Variants in TTC1 observed in about 807,000 individuals in gnomAD.
The protein encoded by TTC1 is tetratricopeptide repeat protein 1.
TTC1 carries 31 observed loss-of-function variants against 37.6 expected under a neutral mutation model. That is an observed-to-expected ratio of 0.82 (90% CI 0.62 to 1.11). The LOEUF is 1.11. TTC1 is among the 50% of genes most tolerant of loss of function. The pLI is 0.00. For missense variants in TTC1, 351 were observed against 339.0 expected, an observed-to-expected ratio of 1.04 and a Z score of -0.28; for synonymous variants, 127 against 122.4, an observed-to-expected ratio of 1.04 and a Z score of -0.25.
intron 2 of TTC1, among the ~76,000 whole-genome samples, chr5:160,019,650 C>T (rs1351460065): frequency 7.2e-6 from 1 of 138,030 alleles, no homozygotes; most frequent in Non-Finnish European, 1.5e-5. Context: ...TGCAGCGGTG[C>T]GATCTCTGCT....
At chr5:160,019,759 A>G (rs1453648597) in intron 2 of TTC1, among the ~76,000 whole-genome samples, 3 of 150,520 alleles carry the variant, frequency 2.0e-5, no homozygotes, top group Non-Finnish European at 3.0e-5. Context: ...TAATTTTTGT[A>G]TTTTTACTAG....
intron 3 of TTC1, 130 bp downstream of exon 3, chr5:160,035,330 C>A: frequency 1.6e-6 from 1 of 633,396 alleles, no homozygotes. Flanking sequence ...TGTTGCTTCC[C>A]AGTACCTTGG....
intron 2 of TTC1, among the ~76,000 whole-genome samples, chr5:160,019,474 G>A (rs1015956190): frequency 3.3e-5 from 5 of 151,784 alleles, no homozygotes; most frequent in Non-Finnish European, 5.9e-5. Flanking sequence ...GAATACTCTC[G>A]ATTGCTTCCA....
chr5:160,062,342 A>G (rs1753441699), intron 7 of TTC1, among the ~76,000 whole-genome samples: 1 of 152,200 alleles, frequency 6.6e-6, no homozygotes, highest in Non-Finnish European at 1.5e-5. Context: ...TGCCTGAGGA[A>G]GCTGCCATCT....
intron 1 of TTC1, among the ~76,000 whole-genome samples, chr5:160,009,911 G>C (rs1216557314): frequency 6.6e-6 from 1 of 152,180 alleles, no homozygotes; most frequent in African/African-American, 2.4e-5. Context: ...TGGGCTTCCT[G>C]TGGTGGTGCT....
intron 7 of TTC1, among the ~76,000 whole-genome samples, chr5:160,055,266 G>A (rs150415107): frequency 8.3e-4 from 127 of 152,262 alleles, no homozygotes; most frequent in Admixed American, 2.2e-3. Flanking sequence ...ATATATTTTT[G>A]GTTCTTCCTT....
intron 2 of TTC1, among the ~76,000 whole-genome samples, chr5:160,013,935 A>T (rs1179158845): frequency 2.0e-5 from 3 of 151,980 alleles, no homozygotes; most frequent in Non-Finnish European, 4.4e-5. Context: ...CTATCAATAG[A>T]CTCTTCTACA....
intron 2 of TTC1, among the ~76,000 whole-genome samples, chr5:160,028,293 C>T (rs113560004): frequency 0.2 from 27,475 of 139,438 alleles, 3,096 homozygotes; most frequent in Non-Finnish European, 0.27. Context: ...AGCAAGACTC[C>T]GTCTCAAAAA....
At chr5:160,040,263 T>TGTAC (rs943201953) in intron 4 of TTC1, among the ~76,000 whole-genome samples, 2 of 151,570 alleles carry the variant, frequency 1.3e-5, no homozygotes, top group African/African-American at 4.8e-5. Flanking sequence ...CACACATATG[T>TGTAC]ATACACACAC....
rs1217935052 is a variant in TTC1 at position 160,036,812 on chromosome 5, C to T, written c.504+9C>T. 1 of 1,588,370 alleles carries T rather than the reference C, an allele frequency of 6.3e-7. No individual in the cohort carries two copies. Among genetic ancestry groups the T allele is most frequent in the Admixed American group, 1.7e-5 (1 of 59,898 alleles). On this transcript the variant is annotated intron_variant, in intron 4 of 7. Transcript: ENST00000231238. ...CAGCAAGGATGAAACAGGTATGTAT[C>T]TGTGACCTTTTCTTTTTAAAAAGCA...
chr5:160,010,736 T>C lies in TTC1; in HGVS notation c.208T>C (p.Phe70Leu). ...EECFHDCSAS[F>L]EEEPGADKVE... is the part of the protein sequence containing the mutation. ...GTGTTTTCATGACTGCAGTGCCTCA[T>C]TTGAGGAGGAGCCAGGAGCGGACAA... Residue 70 changes from phenylalanine (F) to leucine (L), a missense_variant, in exon 2 of 8, where the codon TTT becomes CTT. Physicochemically the swap from Phe to Leu is conservative, Grantham distance 22. Coordinates refer to ENST00000231238, the MANE Select transcript of TTC1 (RefSeq NM_003314.3). The C allele has an allele frequency of 1.9e-6, 3 of 1,613,978 alleles. No individual in the cohort carries two copies. The highest frequency in any genetic ancestry group is 2.5e-6 in the Non-Finnish European group (3 of 1,179,968).
chr5:160,030,682 G>T (rs1473360083), intron 2 of TTC1, among the ~76,000 whole-genome samples: 1 of 152,146 alleles, frequency 6.6e-6, no homozygotes, highest in Non-Finnish European at 1.5e-5. Context: ...TACAATGCAG[G>T]ATAATGTCAC....
chr5:160,012,470 A>T (rs1045933437), intron 2 of TTC1, among the ~76,000 whole-genome samples: 1 of 151,122 alleles, frequency 6.6e-6, no homozygotes, highest in African/African-American at 2.4e-5. Flanking sequence ...GCTCAAGTGG[A>T]TCCTCCCACC....
At chr5:160,039,341 G>C (rs1483936083) in intron 4 of TTC1, 4 of 148,606 alleles carry the variant, frequency 2.7e-5, no homozygotes, top group Non-Finnish European at 5.9e-5. Flanking sequence ...TATATGTATA[G>C]TTAGATTTGT....
intron 5 of TTC1, among the ~76,000 whole-genome samples, chr5:160,045,475 C>T (rs1022981998): frequency 3.8e-5 from 4 of 104,824 alleles, no homozygotes; most frequent in Admixed American, 1.2e-4. Context: ...CACACACACA[C>T]ACACACACAC....
chr5:160,063,096 CTT>C (rs1753478967), intron 7 of TTC1, among the ~76,000 whole-genome samples: 1 of 152,186 alleles, frequency 6.6e-6, no homozygotes, highest in South Asian at 2.1e-4. Context: ...GTTCTGGGAG[CTT>C]TCTCAATTTA....
intron 2 of TTC1, among the ~76,000 whole-genome samples, chr5:160,029,223 C>T (rs566974398): frequency 6.6e-6 from 1 of 152,252 alleles, no homozygotes; most frequent in East Asian, 1.9e-4. Flanking sequence ...ATAAGGGTTT[C>T]ATTTTGTTTA....
chr5:160,030,655 C>G (rs991723750), intron 2 of TTC1, among the ~76,000 whole-genome samples: 1 of 152,178 alleles, frequency 6.6e-6, no homozygotes, highest in Non-Finnish European at 1.5e-5. Context: ...CTCTCCTTGG[C>G]AGTTCCTGTG....
intron 7 of TTC1, among the ~76,000 whole-genome samples, chr5:160,063,964 G>T (rs1396620466): frequency 1.0e-5 from 1 of 98,788 alleles, no homozygotes; most frequent in East Asian, 3.5e-4. Context: ...TATAGACCAT[G>T]ACTTTTTTTT....
Sources: gnomAD v4.1 joint callset for allele counts (sites outside exome capture counted in the v4.1 genomes callset) on GRCh38, gnomAD v4.1.1 for gene constraint, MANE v1.5 for transcripts, NCBI Gene and HGNC (gene_info 2026-07-23, HGNC 2026-07-21) for gene names.